The following DUS1L variants were observed in gnomAD, a reference collection of about 807,000 sequenced individuals.
DUS1L encodes dihydrouridine synthase 1 like, also known as tRNA-dihydrouridine(16/17) synthase [NAD(P)(+)]-like.
A neutral mutation model predicts 61.2 loss-of-function variants in DUS1L; 56 were observed. That is an observed-to-expected ratio of 0.92 (90% CI 0.74 to 1.14). The LOEUF (loss-of-function observed/expected upper bound fraction) is 1.14. Among genes scored for constraint, DUS1L ranks in the 50% most tolerant of loss-of-function variants. DUS1L has a pLI of 0.00. For synonymous variants in DUS1L, 278 were observed against 259.5 expected (o/e 1.07, Z -0.69); for missense variants, 630 against 632.4 (o/e 1.00, Z 0.04).
At chr17:82,064,043 C>T in intron 3 of DUS1L, 83 bp downstream of exon 3, 2 of 1,258,904 alleles carry the variant, frequency 1.6e-6, no homozygotes, top group Non-Finnish European at 2.2e-6. Flanking sequence ...GCCTGCCGTC[C>T]TCCAAGCTCA....
At chr17:82,060,575 T>C in intron 10 of DUS1L, 126 bp downstream of exon 10, 4 of 1,265,562 alleles carry the variant, frequency 3.2e-6, no homozygotes, top group South Asian at 1.4e-5. Flanking sequence ...CCCTCCTCCT[T>C]TCCCTTGGGC....
Position 82,057,899 on chromosome 17 carries a change from T to C in DUS1L, c.*216A>G, listed in dbSNP as rs748661954. On this transcript the variant is annotated 3_prime_UTR_variant, in exon 14 of 14. Transcript: ENST00000306796. ...CTCTCGCATCTTTGAAATGATTTAT[T>C]GTTCACTTTTGCACACGCGTGCTGA... 3 of 441,252 alleles carry C rather than the reference T, an allele frequency of 6.8e-6. No homozygotes were observed. The highest frequency in any genetic ancestry group is 1.2e-5 in the Non-Finnish European group (3 of 255,802). 27.3% of individuals were successfully genotyped at this position (441,252 alleles called of 1,614,324 possible).
At chr17:82,060,288 C>T (rs2033416173) in intron 10 of DUS1L, 195 bp from the exon 11 acceptor site, 4 of 705,412 alleles carry the variant, frequency 5.7e-6, no homozygotes, top group Admixed American at 5.9e-5. Flanking sequence ...GAGATGGAGT[C>T]CGCAGCTCGG....
rs1415191097 is a variant in DUS1L at position 82,059,986 on chromosome 17, A to T, written c.1130T>A (p.Leu377Gln). 2 of 1,613,930 alleles carry T rather than the reference A, an allele frequency of 1.2e-6. No homozygotes were observed. Among genetic ancestry groups the T allele is most frequent in the East Asian group, 4.5e-5 (2 of 44,860 alleles). ...GTCGAAGGTCTTGTGGGGGTTCCTC[A>T]GCTGCTTCTTTTGCTTGTTCTTGGA... ...VLSKNKQKKQ[L>Q]RNPHKTFDPS... The change falls in exon 11 of 14, where the codon CTG (leucine) becomes CAG (glutamine). Residue 377 changes from leucine to glutamine, a missense_variant. Physicochemically the swap from Leu to Gln is moderately radical, Grantham distance 113. Coordinates refer to ENST00000306796, the MANE Select transcript of DUS1L (RefSeq NM_022156.5).
intron 7 of DUS1L, 107 bp from the exon 8 acceptor site, chr17:82,061,460 C>T (rs1395747401): frequency 6.7e-7 from 1 of 1,483,616 alleles, no homozygotes; most frequent in Non-Finnish European, 9.1e-7. Flanking sequence ...TCACAAGGGA[C>T]AAGGCCAGCT....
Position 82,058,103 on chromosome 17 carries a change from G to A in DUS1L, c.*12C>T. ...CTCCAGCAGCAGTCCTGGGGGTGGG[G>A]GTTGTGGGCCTTCAGGCCAGGGCAC... On this transcript the variant is annotated 3_prime_UTR_variant, in exon 14 of 14. Coordinates refer to ENST00000306796, the MANE Select transcript of DUS1L (RefSeq NM_022156.5). 6.5e-7 allele frequency: 1 copy of A among 1,532,424 alleles called. No individual in the cohort carries two copies. The highest frequency in any genetic ancestry group is 8.8e-7 in the Non-Finnish European group (1 of 1,135,690). The allele number at this position is 1,532,424 out of a possible 1,614,324, so 94.9% of individuals were successfully genotyped here.
Position 82,064,051 on chromosome 17 carries a change from TCAC to T in DUS1L, c.346+72_346+74del, listed in dbSNP as rs2144747599. The T allele has an allele frequency of 3.0e-6, 4 of 1,348,812 alleles. No homozygotes were observed. The African/African-American group carries it at 5.7e-5, about 19-fold the overall frequency. 83.6% of individuals were successfully genotyped at this position (1,348,812 alleles called of 1,614,324 possible). ...AGGCAGGGCCTGCCGTCCTCCAAGC[TCAC>T]CACACCTGGGGCTGCACTGAGCTGG... On this transcript the variant is annotated intron_variant, in intron 3 of 13. Coordinates refer to ENST00000306796, the MANE Select transcript of DUS1L (RefSeq NM_022156.5).
intron 5 of DUS1L, among the ~76,000 whole-genome samples, chr17:82,062,396 A>T (rs1335736657): frequency 6.6e-6 from 1 of 152,156 alleles, no homozygotes; most frequent in Admixed American, 6.5e-5. Flanking sequence ...CGGGTCACCA[A>T]GGTTGCTGTC....
At chr17:82,058,292 C>T (rs374612561) in intron 13 of DUS1L, 38 bp from the exon 14 acceptor site, 22 of 1,535,844 alleles carry the variant, frequency 1.4e-5, no homozygotes, top group Admixed American at 1.9e-5. Flanking sequence ...GGTCAGGAGG[C>T]GGAGGGGGTC....
intron 10 of DUS1L, 144 bp from the exon 11 acceptor site, chr17:82,060,237 C>T: frequency 8.9e-7 from 1 of 1,120,560 alleles, no homozygotes; most frequent in Non-Finnish European, 1.2e-6. Context: ...TTCCCTCGGG[C>T]AGCCCATTCA....
chr17:82,062,923 C>T lies in DUS1L; in HGVS notation c.448G>A (p.Val150Ile). The T allele has an allele frequency of 6.2e-7, 1 of 1,613,104 alleles. No homozygotes were observed. The highest frequency in any genetic ancestry group is 8.5e-7 in the Non-Finnish European group (1 of 1,179,950). The change falls in exon 5 of 14, where the codon GTC (valine) becomes ATC (isoleucine). Residue 150 changes from valine to isoleucine, a missense_variant. Coordinates refer to ENST00000306796, the MANE Select transcript of DUS1L (RefSeq NM_022156.5). ...LSVPVTCKIR[V>I]FPEIDKTVRY... ...ACGGTCTTGTCAATCTCCGGGAAGA[C>T]ACGGATTTTGCACGTGACAGGAACA...
intron 12 of DUS1L, 177 bp from the exon 13 acceptor site, chr17:82,058,593 T>C (rs766329154): frequency 4.1e-6 from 6 of 1,461,742 alleles, no homozygotes; most frequent in African/African-American, 1.4e-5. Context: ...CCAGACTCTC[T>C]TCCCCTCCAG....
At position 82,057,872 on chromosome 17, in the gene DUS1L, G is replaced by T; in HGVS notation, c.*243C>A. ...GAGAGGGCAGTGGTCACAGGCTGTGGGCTCTCGCATCTTTGAAATGATTTA... is the reference window on the plus strand; with the variant it reads ...GAGAGGGCAGTGGTCACAGGCTGTGTGCTCTCGCATCTTTGAAATGATTTA... On this transcript the variant is annotated 3_prime_UTR_variant, in exon 14 of 14. Coordinates refer to ENST00000306796, the MANE Select transcript of DUS1L (RefSeq NM_022156.5). The T allele has an allele frequency of 2.6e-6, 1 of 390,500 alleles. No individual in the cohort carries two copies. Among genetic ancestry groups the T allele is most frequent in the Non-Finnish European group, 4.5e-6 (1 of 221,558 alleles). 24.2% of individuals were successfully genotyped at this position (390,500 alleles called of 1,614,324 possible).
chr17:82,058,414 GC>G lies in DUS1L; in HGVS notation c.1208del (p.Gly403AlafsTer145). On this transcript the variant is annotated frameshift_variant and splice_region_variant, in exon 13 of 14. Transcript: ENST00000306796. LOFTEE classifies it high-confidence loss of function. ...AKCDQCGNPKGNRCVFSLCRG... is the reference protein window; with the variant it reads ...AKCDQCGNPKXNRCVFSLCRG... ...GGCACAGGCTGAACACACATCTGTT[GC>G]CCTGGGCACAGGAAATCTCGGGAGC... 6.7e-7 allele frequency: 1 copy of G among 1,488,174 alleles called. No individual in the cohort carries two copies. The highest frequency in any genetic ancestry group is 8.9e-7 in the Non-Finnish European group (1 of 1,117,634). 92.2% of individuals were successfully genotyped at this position (1,488,174 alleles called of 1,614,324 possible).
chr17:82,058,862 G>A (rs370035035), intron 11 of DUS1L, 44 bp from the exon 12 acceptor site: 8 of 1,562,790 alleles, frequency 5.1e-6, no homozygotes, highest in Non-Finnish European at 6.2e-6. Context: ...GGGCCAGGGT[G>A]CCCTGGCTGT....
chr17:82,065,475 C>T (rs764365540), intron 1 of DUS1L, 138 bp downstream of exon 1: 4 of 171,814 alleles, frequency 2.3e-5, no homozygotes, highest in Non-Finnish European at 4.9e-5. Context: ...GCAGAGCTTC[C>T]TTCTCCGCAC....
In DUS1L at chr17:82,060,745, G is replaced by A. The variant is rs115733441; in HGVS notation, c.978C>T (p.Gly326=). ...GGCAGATCCAGTGGAAGGGCAAGTC[G>A]CCGGTGGGCTTCGCTCCCTCCTGCC... is the stretch of plus-strand genomic sequence containing the variant. ...ISRQEGAKPT[G]DLPFHWICQP... The change falls in exon 10 of 14, where the codon GGC becomes GGT. Residue 326 remains glycine (G), a synonymous_variant. Coordinates refer to ENST00000306796, the MANE Select transcript of DUS1L (RefSeq NM_022156.5). 369 of 1,612,844 alleles carry A rather than the reference G, an allele frequency of 2.3e-4. 1 individual carries two copies. In the African/African-American group the frequency reaches 4.3e-3, roughly 19 times the overall value.
At position 82,062,959 on chromosome 17, in the gene DUS1L, C is replaced by G; in HGVS notation, c.412G>C (p.Glu138Gln). The change falls in exon 5 of 14, where the codon GAG (glutamate) becomes CAG (glutamine). Residue 138 changes from glutamate (E) to glutamine (Q), a missense_variant. Transcript: ENST00000306796. ...LLQRMILLAH[E>Q]KLSVPVTCKI... is the part of the protein sequence containing the mutation. ...CACGTGACAGGAACAGAGAGTTTCT[C>G]GTGGGCCAGCAAAACTGGGGAGAAG... 2 of 1,612,882 alleles carry G rather than the reference C, an allele frequency of 1.2e-6. No homozygotes were observed. The highest frequency in any genetic ancestry group is 2.2e-5 in the South Asian group (2 of 91,074).
chr17:82,062,976 G>A lies in DUS1L; in HGVS notation c.398-3C>T, dbSNP rs2033583824. The A allele has an allele frequency of 1.9e-6, 3 of 1,611,548 alleles. No homozygotes were observed. The highest frequency in any genetic ancestry group is 1.3e-5 in the African/African-American group (1 of 74,898). On this transcript the variant is annotated splice_polypyrimidine_tract_variant and splice_region_variant and intron_variant, in intron 4 of 13. Coordinates refer to ENST00000306796, the MANE Select transcript of DUS1L (RefSeq NM_022156.5). ...GAGTTTCTCGTGGGCCAGCAAAACT[G>A]GGGAGAAGAGAGGCAGCTTCTGAGG... is the stretch of plus-strand genomic sequence containing the variant.
Sources: allele counts gnomAD v4.1 joint callset (sites outside exome capture counted in the v4.1 genomes callset), GRCh38; gene constraint gnomAD v4.1.1; transcripts MANE v1.5; gene names NCBI Gene and HGNC (gene_info 2026-07-23, HGNC 2026-07-21).